Variants in OPCML observed in about 807,000 individuals in gnomAD.
OPCML encodes the protein opioid-binding protein/cell adhesion molecule.
Under a neutral mutation model 37.8 loss-of-function variants are expected in OPCML, and 13 were observed. The ratio of observed to expected loss-of-function variants is 0.34; its 90% CI spans 0.22 to 0.55. OPCML has a LOEUF of 0.55. OPCML is among the 20% of genes least tolerant of loss of function. OPCML has a pLI of 0.91. For missense variants in OPCML, 341 were observed against 435.6 expected, an observed-to-expected ratio of 0.78 and a Z score of 1.93; for synonymous variants, 176 against 168.8, an observed-to-expected ratio of 1.04 and a Z score of -0.33.
At chr11:132,837,520 T>C (rs11223241) in intron 2 of OPCML, among the ~76,000 whole-genome samples, 131,984 of 152,150 alleles carry the variant, frequency 0.87, 58,156 homozygotes, top group Middle Eastern at 0.96. Flanking sequence ...AGGGGGAAAA[T>C]GATAGGACCT....
intron 1 of OPCML, chr11:133,006,414 T>A (rs1947113844): frequency 1.0e-6 from 1 of 984,340 alleles, no homozygotes; most frequent in Admixed American, 6.2e-5. Flanking sequence ...TTAGCTGAAC[T>A]GAAAAAAAGT....
chr11:133,483,565 A>G (rs2120361294), intron 1 of OPCML, among the ~76,000 whole-genome samples: 1 of 152,016 alleles, frequency 6.6e-6, no homozygotes, highest in Non-Finnish European at 1.5e-5. Context: ...TAACTAGACA[A>G]AGGAATGGAT....
chr11:133,069,642 A>G (rs891913154), intron 1 of OPCML, among the ~76,000 whole-genome samples: 2 of 152,206 alleles, frequency 1.3e-5, no homozygotes, highest in Admixed American at 1.3e-4. Context: ...GGAGTGTGTG[A>G]GAGCATGTGT....
chr11:132,716,932 A>G (rs1944516396), intron 2 of OPCML, among the ~76,000 whole-genome samples: 1 of 152,224 alleles, frequency 6.6e-6, no homozygotes, highest in Admixed American at 6.5e-5. Flanking sequence ...GATATAGTAC[A>G]TGAATAAAAC....
intron 1 of OPCML, among the ~76,000 whole-genome samples, chr11:133,124,768 C>T (rs1042495014): frequency 6.6e-6 from 1 of 152,158 alleles, no homozygotes; most frequent in African/African-American, 2.4e-5. Context: ...CTCCGCCCTC[C>T]CATCATTTTC....
At chr11:132,607,289 C>A (rs936202145) in intron 3 of OPCML, among the ~76,000 whole-genome samples, 1 of 152,202 alleles carries the variant, frequency 6.6e-6, no homozygotes, top group Non-Finnish European at 1.5e-5. Context: ...GCATTTGGAG[C>A]CCCCAGCCTT....
intron 2 of OPCML, among the ~76,000 whole-genome samples, chr11:132,801,035 A>T (rs1938619750): frequency 6.6e-6 from 1 of 152,192 alleles, no homozygotes; most frequent in Admixed American, 6.5e-5. Context: ...GCTTTTCCCT[A>T]TGGATAGTTT....
intron 1 of OPCML, chr11:133,005,279 C>T: frequency 1.0e-6 from 1 of 985,330 alleles, no homozygotes; most frequent in Non-Finnish European, 1.2e-6. Context: ...GAATCAATAG[C>T]CAGAATGAAT....
chr11:133,415,510 T>C (rs911203320), intron 1 of OPCML, among the ~76,000 whole-genome samples: 2 of 151,958 alleles, frequency 1.3e-5, no homozygotes, highest in Non-Finnish European at 2.9e-5. Flanking sequence ...ATACAAGGCA[T>C]AGGCAGTAAG....
At chr11:132,896,261 G>A (rs1293285497) in intron 2 of OPCML, among the ~76,000 whole-genome samples, 2 of 152,156 alleles carry the variant, frequency 1.3e-5, no homozygotes, top group African/African-American at 4.8e-5. Context: ...ACACCAGGAG[G>A]GTCCAGAAGA....
At chr11:132,898,558 C>T (rs148099045) in intron 2 of OPCML, among the ~76,000 whole-genome samples, 5 of 152,264 alleles carry the variant, frequency 3.3e-5, no homozygotes, top group African/African-American at 9.6e-5. Context: ...CACCAGCTAA[C>T]GTTGCAGGAC....
chr11:133,507,735 A>T (rs975340577), intron 1 of OPCML, among the ~76,000 whole-genome samples: 1 of 152,142 alleles, frequency 6.6e-6, no homozygotes, highest in African/African-American at 2.4e-5. Flanking sequence ...ACCTGAGGTC[A>T]GGAGTGCAAT....
intron 2 of OPCML, among the ~76,000 whole-genome samples, chr11:132,732,920 G>A (rs1435339145): frequency 6.6e-6 from 1 of 152,178 alleles, no homozygotes; most frequent in Admixed American, 6.5e-5. Context: ...AAAGGACACA[G>A]AAGTAGTAGT....
intron 1 of OPCML, among the ~76,000 whole-genome samples, chr11:133,281,017 A>C (rs1475380108): frequency 6.6e-6 from 1 of 152,186 alleles, no homozygotes; most frequent in Non-Finnish European, 1.5e-5. Flanking sequence ...AAGAGTTTCA[A>C]CAGAGGCACT....
intron 4 of OPCML, among the ~76,000 whole-genome samples, chr11:132,443,287 T>A (rs1268131838): frequency 6.6e-6 from 1 of 151,496 alleles, no homozygotes; most frequent in Admixed American, 6.6e-5. Context: ...GAGGACAAGG[T>A]GTGGGGAAGG....
intron 3 of OPCML, among the ~76,000 whole-genome samples, chr11:132,543,354 GCA>G (rs1360535313): frequency 6.6e-6 from 1 of 151,552 alleles, no homozygotes; most frequent in Non-Finnish European, 1.5e-5. Flanking sequence ...TCTTTAAAAT[GCA>G]CACACACACA....
At chr11:133,194,114 G>A (rs1938435220) in intron 1 of OPCML, among the ~76,000 whole-genome samples, 1 of 151,592 alleles carries the variant, frequency 6.6e-6, no homozygotes, top group South Asian at 2.1e-4. Flanking sequence ...ATACCTTGAT[G>A]TAACTGTCTA....
chr11:132,773,965 AG>A, intron 2 of OPCML, among the ~76,000 whole-genome samples: 1 of 152,322 alleles, frequency 6.6e-6, no homozygotes, highest in East Asian at 1.9e-4. Context: ...GAGAGAGAAA[AG>A]GCTCTGTACT....
At chr11:132,625,349 A>G (rs1026265614) in intron 3 of OPCML, among the ~76,000 whole-genome samples, 11 of 152,130 alleles carry the variant, frequency 7.2e-5, no homozygotes, top group Non-Finnish European at 4.4e-5. Flanking sequence ...TGTATATTTT[A>G]GAAGCAGTCC....
Sources: gnomAD v4.1 joint callset for allele counts (sites outside exome capture counted in the v4.1 genomes callset) on GRCh38, gnomAD v4.1.1 for gene constraint, MANE v1.5 for transcripts, NCBI Gene and HGNC (gene_info 2026-07-23, HGNC 2026-07-21) for gene names.